The following ADCY1 variants were observed in gnomAD, a reference collection of about 807,000 sequenced individuals.
ADCY1 encodes adenylate cyclase type 1.
A neutral mutation model predicts 105.4 loss-of-function variants in ADCY1; 28 were observed. The observed-to-expected ratio is 0.27, with a 90% CI of 0.20 to 0.36. The LOEUF is 0.36. ADCY1 is among the 10% of genes least tolerant of loss of function. The pLI, the probability that ADCY1 is intolerant of heterozygous loss-of-function variation, is 1.00. For missense variants in ADCY1, 977 were observed against 1,434.2 expected (o/e 0.68, Z 5.15); for synonymous variants, 655 against 623.8 (o/e 1.05, Z -0.75).
upstream of ADCY1, chr7:45,574,285 C>G (rs1792244047): frequency 3.1e-6 from 1 of 326,594 alleles, no homozygotes; most frequent in Non-Finnish European, 4.4e-6. This position sits in a 1 kb window ranked among gnomAD's most constrained non-coding sequence, Gnocchi z 7.0. Context: ...TCCCGGGGCT[C>G]GGCTGTCGCA....
chr7:45,694,392 A>T (rs1320242432), intron 14 of ADCY1, among the ~76,000 whole-genome samples: 1 of 152,212 alleles, frequency 6.6e-6, no homozygotes, highest in Non-Finnish European at 1.5e-5. Flanking sequence ...AAGAAATCAA[A>T]CAGGAAATTA....
intron 4 of ADCY1, among the ~76,000 whole-genome samples, chr7:45,642,667 G>A (rs777511589): frequency 6.6e-6 from 1 of 152,112 alleles, no homozygotes; most frequent in African/African-American, 2.4e-5. Flanking sequence ...CTTCTCTCTA[G>A]CAGGCAGGTG....
chr7:45,578,898 T>A (rs1292788165), intron 1 of ADCY1, among the ~76,000 whole-genome samples: 1 of 152,244 alleles, frequency 6.6e-6, no homozygotes, highest in African/African-American at 2.4e-5. Flanking sequence ...TCTGAAGTAG[T>A]AGGGATCCAT....
intron 16 of ADCY1, among the ~76,000 whole-genome samples, chr7:45,704,273 G>T (rs1482372719): frequency 6.6e-6 from 1 of 152,108 alleles, no homozygotes; most frequent in African/African-American, 2.4e-5. Context: ...ACCACGCCTT[G>T]TCATTGGACC....
chr7:45,599,531 A>G (rs1482837505), intron 2 of ADCY1, among the ~76,000 whole-genome samples: 2 of 151,444 alleles, frequency 1.3e-5, no homozygotes, highest in Admixed American at 1.3e-4. Flanking sequence ...TTGCTGAGGA[A>G]GATGCCGGAG....
intron 4 of ADCY1, among the ~76,000 whole-genome samples, chr7:45,635,725 C>G (rs1044797907): frequency 1.4e-5 from 2 of 141,284 alleles, no homozygotes; most frequent in Non-Finnish European, 3.0e-5. Flanking sequence ...AGAGAACATA[C>G]TTTTTATTAT....
At chr7:45,664,156 G>C in intron 8 of ADCY1, 1 of 764,130 alleles carries the variant, frequency 1.3e-6, no homozygotes, top group Non-Finnish European at 2.2e-6. Context: ...ATTGAGGGTG[G>C]GGCGTTCCTG....
intron 6 of ADCY1, among the ~76,000 whole-genome samples, chr7:45,659,567 C>T (rs1356703837): frequency 1.3e-5 from 2 of 152,160 alleles, no homozygotes; most frequent in African/African-American, 4.8e-5. Context: ...CACCCTGCTT[C>T]CCACCCCACC....
At chr7:45,592,723 T>C (rs1481036978) in intron 1 of ADCY1, 36 bp from the exon 2 acceptor site, 1 of 1,612,898 alleles carries the variant, frequency 6.2e-7, no homozygotes, top group East Asian at 2.2e-5. Context: ...GTGTGGGATG[T>C]CAGGCTCCAC....
intron 2 of ADCY1, among the ~76,000 whole-genome samples, chr7:45,599,584 T>C (rs1047421698): frequency 2.6e-5 from 4 of 151,170 alleles, no homozygotes; most frequent in Non-Finnish European, 5.9e-5. Context: ...CGGCATGTCC[T>C]CGGGGGCTGT....
At chr7:45,661,634 G>T (rs906236592) in intron 7 of ADCY1, among the ~76,000 whole-genome samples, 6 of 152,144 alleles carry the variant, frequency 3.9e-5, no homozygotes, top group Non-Finnish European at 7.4e-5. Flanking sequence ...CTGAGCCTCA[G>T]CTGGGTGCAC....
chr7:45,681,795 A>C (rs1784560853), intron 11 of ADCY1, among the ~76,000 whole-genome samples: 1 of 152,174 alleles, frequency 6.6e-6, no homozygotes. Flanking sequence ...GGTCAGGGCC[A>C]CCCAGCAGAA....
chr7:45,627,285 C>T (rs547203615), intron 4 of ADCY1, among the ~76,000 whole-genome samples: 5 of 152,326 alleles, frequency 3.3e-5, no homozygotes, highest in South Asian at 2.1e-4. Context: ...AACTCCTACT[C>T]ATCCTTGAAA....
intron 4 of ADCY1, among the ~76,000 whole-genome samples, chr7:45,642,246 C>T (rs926443458): frequency 5.3e-5 from 8 of 152,058 alleles, no homozygotes; most frequent in Admixed American, 2.0e-4. Flanking sequence ...GGTTAAGCAG[C>T]TTATCAGGTT....
At chr7:45,593,864 C>T (rs144696285) in intron 2 of ADCY1, among the ~76,000 whole-genome samples, 1 of 152,308 alleles carries the variant, frequency 6.6e-6, no homozygotes, top group African/African-American at 2.4e-5. Context: ...AAATAGATCA[C>T]ATATGTATGT....
In ADCY1 at chr7:45,719,281, T is replaced by C; in HGVS notation, c.*5286T>C. On this transcript the variant is annotated 3_prime_UTR_variant, in exon 20 of 20. Transcript: ENST00000297323. Reference sequence around the variant, plus strand: ...AGACACGGTGGGGAGCTTGGAGCCCTCCGCTCACCTAGAGGAGCCCTGGGA... The same window carrying C: ...AGACACGGTGGGGAGCTTGGAGCCCCCCGCTCACCTAGAGGAGCCCTGGGA... 6.6e-6 allele frequency: 1 copy of C among 152,398 alleles called. No homozygotes were observed. The highest frequency in any genetic ancestry group is 1.5e-5 in the Non-Finnish European group (1 of 68,082). The allele number at this position is 152,398 out of a possible 1,614,324, so 9.4% of individuals were successfully genotyped here. A position where few individuals can be genotyped will look rare whatever the true frequency, so the allele number is the denominator to read the frequency against.
intron 1 of ADCY1, among the ~76,000 whole-genome samples, chr7:45,580,254 G>A (rs1158106139): frequency 6.6e-6 from 1 of 152,198 alleles, no homozygotes; most frequent in African/African-American, 2.4e-5. Flanking sequence ...CCCAGCAGGG[G>A]CTGCACTGTG....
chr7:45,610,433 G>A lies in ADCY1; in HGVS notation c.844G>A (p.Asp282Asn), dbSNP rs1030683032. Residue 282 changes from aspartate (D) to asparagine (N), a missense_variant, in exon 3 of 20, where the codon GAC becomes AAC. Physicochemically the swap from Asp to Asn is conservative, Grantham distance 23. Coordinates refer to ENST00000297323, the MANE Select transcript of ADCY1 (RefSeq NM_021116.4). ...GAACGTTGCCATGGAGATGAAGGAG[G>A]ACTTCCTGAAGCCCCCTGAGAGGAT... ...PRNVAMEMKE[D>N]FLKPPERIFH... 1.2e-6 allele frequency: 2 copies of A among 1,613,880 alleles called. No individual in the cohort carries two copies. The highest frequency in any genetic ancestry group is 1.7e-5 in the Admixed American group (1 of 59,996).
At chr7:45,657,647 G>C in intron 5 of ADCY1, 80 bp from the exon 6 acceptor site, 1 of 1,450,894 alleles carries the variant, frequency 6.9e-7, no homozygotes, top group Non-Finnish European at 9.4e-7. Flanking sequence ...GGTGCTCACA[G>C]CCTAGCAGTG....
Sources: allele counts gnomAD v4.1 joint callset (sites outside exome capture counted in the v4.1 genomes callset), GRCh38; gene constraint gnomAD v4.1.1; non-coding constraint Gnocchi (gnomAD v3.1); transcripts MANE v1.5; gene names NCBI Gene and HGNC (gene_info 2026-07-23, HGNC 2026-07-21).